Variants in TMEM132B observed in about 807,000 individuals in gnomAD.
TMEM132B encodes the protein transmembrane protein 132B.
TMEM132B carries 18 observed loss-of-function variants against 90.8 expected under a neutral mutation model. The observed-to-expected ratio is 0.20, with a 90% CI of 0.14 to 0.29. The LOEUF is 0.29. Among genes scored for constraint, TMEM132B ranks in the 10% least tolerant of loss-of-function variants. The probability of loss-of-function intolerance (pLI) is 1.00; values close to 1 mark genes in which losing one functional copy is unlikely to be tolerated. For missense variants in TMEM132B, 1,096 were observed against 1,326.8 expected (o/e 0.83, Z 2.70); for synonymous variants, 504 against 523.3 (o/e 0.96, Z 0.50).
intron 3 of TMEM132B, among the ~76,000 whole-genome samples, chr12:125,505,051 C>T (rs1161728323): frequency 6.6e-6 from 1 of 150,852 alleles, no homozygotes; most frequent in Non-Finnish European, 1.5e-5. Flanking sequence ...ATTCTTCAGA[C>T]ATGTGTAATA....
intron 1 of TMEM132B, among the ~76,000 whole-genome samples, chr12:125,245,645 C>T (rs546698113): frequency 2.6e-4 from 39 of 152,180 alleles, no homozygotes; most frequent in African/African-American, 9.1e-4. Flanking sequence ...AAATGTTTGA[C>T]GGTTCCAGCA....
chr12:125,546,220 T>C (rs1358267672), intron 4 of TMEM132B, among the ~76,000 whole-genome samples: 1 of 151,932 alleles, frequency 6.6e-6, no homozygotes, highest in Non-Finnish European at 1.5e-5. Flanking sequence ...TCTTGCTCTG[T>C]CACCCAGGCT....
chr12:125,484,992 C>T (rs140254648), intron 3 of TMEM132B, among the ~76,000 whole-genome samples: 1 of 152,234 alleles, frequency 6.6e-6, no homozygotes, highest in Non-Finnish European at 1.5e-5. Flanking sequence ...AGAATCAGTG[C>T]CTGTTGCTTA....
chr12:125,376,451 C>A (rs1221314154), intron 2 of TMEM132B, among the ~76,000 whole-genome samples: 2 of 152,220 alleles, frequency 1.3e-5, no homozygotes, highest in Admixed American at 1.3e-4. Context: ...CGTTGGTTGA[C>A]AGCAGGTGCC....
At chr12:125,467,735 C>T (rs1217461699) in intron 3 of TMEM132B, among the ~76,000 whole-genome samples, 1 of 152,198 alleles carries the variant, frequency 6.6e-6, no homozygotes, top group African/African-American at 2.4e-5. Context: ...TGTAAAAACA[C>T]CTATATCCAG....
intron 1 of TMEM132B, among the ~76,000 whole-genome samples, chr12:125,282,027 CAA>C (rs869083244): frequency 6.2e-5 from 1 of 16,056 alleles, no homozygotes; most frequent in African/African-American, 2.3e-4. Context: ...GACTCCGTCT[CAA>C]AAAAAAAAAA....
At chr12:125,270,022 C>G (rs934971359) in intron 1 of TMEM132B, among the ~76,000 whole-genome samples, 1 of 151,438 alleles carries the variant, frequency 6.6e-6, no homozygotes, top group Non-Finnish European at 1.5e-5. Context: ...GAACATGACC[C>G]TGTCTCTTAA....
At chr12:125,195,195 C>A (rs1254360646) in intron 1 of TMEM132B, among the ~76,000 whole-genome samples, 1 of 152,058 alleles carries the variant, frequency 6.6e-6, no homozygotes, top group East Asian at 1.9e-4. Context: ...ACTGTGCCAG[C>A]CCCTGTCCGT....
intron 3 of TMEM132B, among the ~76,000 whole-genome samples, chr12:125,463,646 G>A (rs902944246): frequency 2.6e-5 from 4 of 152,068 alleles, no homozygotes; most frequent in African/African-American, 9.7e-5. Context: ...GCAAGCTCTG[G>A]GTCATGACCT....
intron 1 of TMEM132B, among the ~76,000 whole-genome samples, chr12:125,202,691 G>A (rs1873090549): frequency 6.6e-6 from 1 of 152,172 alleles, no homozygotes; most frequent in Non-Finnish European, 1.5e-5. Flanking sequence ...TCAGTTAGAG[G>A]GAAGTTACAC....
chr12:125,348,206 T>C (rs1877425294), intron 1 of TMEM132B, among the ~76,000 whole-genome samples: 1 of 137,618 alleles, frequency 7.3e-6, no homozygotes, highest in Admixed American at 7.8e-5. Context: ...AGTTTCATAT[T>C]ATTCCACTGT....
chr12:125,519,647 G>C lies in TMEM132B; in HGVS notation c.1293+22G>C, dbSNP rs747692974. ...CATGGTGAGGAATCTGGGGGTTTCA[G>C]AGGAAGTGTCACAAAGAAGTTTTCT... On this transcript the variant is annotated intron_variant, in intron 4 of 8. Coordinates refer to ENST00000682704, the MANE Select transcript of TMEM132B (RefSeq NM_001366854.1). 3.1e-6 allele frequency: 5 copies of C among 1,612,216 alleles called. No individual in the cohort carries two copies. In the South Asian group the frequency reaches 5.5e-5, roughly 18 times the overall value.
intron 1 of TMEM132B, among the ~76,000 whole-genome samples, chr12:125,340,414 G>T (rs1206001441): frequency 3.3e-5 from 5 of 151,990 alleles, no homozygotes; most frequent in Admixed American, 6.6e-5. Flanking sequence ...AGAATTAAGT[G>T]TAAAAATGAA....
intron 5 of TMEM132B, among the ~76,000 whole-genome samples, chr12:125,610,897 T>C (rs749557283): frequency 7.2e-5 from 11 of 152,174 alleles, no homozygotes; most frequent in Non-Finnish European, 1.5e-4. Context: ...ATTGGCCTTA[T>C]AGAATGATCC....
At chr12:125,528,580 C>A (rs1883556836) in intron 4 of TMEM132B, among the ~76,000 whole-genome samples, 1 of 152,158 alleles carries the variant, frequency 6.6e-6, no homozygotes, top group African/African-American at 2.4e-5. Context: ...CAGACAAGGC[C>A]TCAACTCTCA....
intron 3 of TMEM132B, among the ~76,000 whole-genome samples, chr12:125,478,928 C>G (rs1230857302): frequency 6.6e-6 from 1 of 152,188 alleles, no homozygotes; most frequent in Non-Finnish European, 1.5e-5. Context: ...AGAAACCCTA[C>G]AAGCCAGAAG....
rs1377757231 is a variant in TMEM132B at position 125,648,182 on chromosome 12, C to T, written c.1644-2501C>T. On this transcript the variant is annotated intron_variant, in intron 6 of 8. Transcript: ENST00000682704. Reference sequence around the variant, plus strand: ...GGTTTTTTATTCTTGCGATAGTTTACTGAGAATGATGGTTTCCAATTTCAT... The same window carrying T: ...GGTTTTTTATTCTTGCGATAGTTTATTGAGAATGATGGTTTCCAATTTCAT... Among the ~76,000 whole-genome samples the T allele has an allele frequency of 2.6e-5, 4 of 151,530 alleles. No individual in the cohort carries two copies. In the South Asian group the frequency reaches 6.3e-4, roughly 24 times the overall value.
chr12:125,360,141 T>A (rs1310477286), intron 2 of TMEM132B, among the ~76,000 whole-genome samples: 1 of 152,168 alleles, frequency 6.6e-6, no homozygotes, highest in Non-Finnish European at 1.5e-5. Flanking sequence ...ACTACATTTT[T>A]TAACAGATAA....
intron 1 of TMEM132B, among the ~76,000 whole-genome samples, chr12:125,222,250 A>G (rs1488723137): frequency 6.6e-6 from 1 of 152,196 alleles, no homozygotes; most frequent in African/African-American, 2.4e-5. Flanking sequence ...TTTGTTGCTT[A>G]TTTTTATCTC....
Sources: gnomAD v4.1 joint callset for allele counts (sites outside exome capture counted in the v4.1 genomes callset) on GRCh38, gnomAD v4.1.1 for gene constraint, MANE v1.5 for transcripts, NCBI Gene and HGNC (gene_info 2026-07-23, HGNC 2026-07-21) for gene names.